The following LARGE1 variants were observed in gnomAD, a reference collection of about 807,000 sequenced individuals.
The protein encoded by LARGE1 is xylosyl- and glucuronyltransferase LARGE1.
In LARGE1, 43 loss-of-function variants were observed where a neutral mutation model predicts 87.6. The ratio of observed to expected loss-of-function variants is 0.49; its 90% confidence interval spans 0.38 to 0.63. The LOEUF is 0.63. LARGE1 is among the 30% of genes least tolerant of loss of function. The probability of loss-of-function intolerance (pLI) is 0.00; values close to 1 mark genes in which losing one functional copy is unlikely to be tolerated. For synonymous variants in LARGE1, 434 were observed against 394.6 expected (o/e 1.10, Z -1.18); for missense variants, 802 against 1,000.2 (o/e 0.80, Z 2.67).
intron 6 of LARGE1, among the ~76,000 whole-genome samples, chr22:33,485,984 G>A (rs554446455): frequency 6.6e-6 from 1 of 152,344 alleles, no homozygotes; most frequent in Non-Finnish European, 1.5e-5. Context: ...ATCTCAAGAA[G>A]AGCAGGTGCT....
chr22:33,348,253 T>G (rs954003623), intron 9 of LARGE1, among the ~76,000 whole-genome samples: 3 of 148,010 alleles, frequency 2.0e-5, no homozygotes, highest in African/African-American at 5.0e-5. Flanking sequence ...GGCAACAGAG[T>G]GAGACTCTGT....
chr22:33,839,770 T>C (rs2063219164), intron 1 of LARGE1, among the ~76,000 whole-genome samples: 1 of 152,164 alleles, frequency 6.6e-6, no homozygotes, highest in Non-Finnish European at 1.5e-5. Flanking sequence ...AATAAAAAAA[T>C]AAGAAAAGCG....
chr22:33,387,108 A>G (rs2065350061), intron 7 of LARGE1, among the ~76,000 whole-genome samples: 1 of 119,276 alleles, frequency 8.4e-6, no homozygotes, highest in African/African-American at 4.2e-5. Flanking sequence ...CATCTCAAAA[A>G]ACAAAAAACA....
chr22:33,758,221 G>A (rs2084592145), intron 2 of LARGE1, among the ~76,000 whole-genome samples: 1 of 152,156 alleles, frequency 6.6e-6, no homozygotes, highest in Non-Finnish European at 1.5e-5. Flanking sequence ...AGCTGAGCAT[G>A]TACACCCTGA....
At chr22:33,102,167 T>C in the LARGE1 span, among the ~76,000 whole-genome samples, 1 of 151,790 alleles carries the variant, frequency 6.6e-6, no homozygotes, top group African/African-American at 2.4e-5. Flanking sequence ...CTTTGTCTTT[T>C]TTTTTTTCCT....
intron 2 of LARGE1, among the ~76,000 whole-genome samples, chr22:33,667,506 T>C (rs1205438156): frequency 6.6e-6 from 1 of 152,212 alleles, no homozygotes; most frequent in African/African-American, 2.4e-5. Context: ...AATACCAGTG[T>C]CAGCTGTAGG....
intron 6 of LARGE1, among the ~76,000 whole-genome samples, chr22:33,521,534 T>A (rs2071594319): frequency 6.6e-6 from 1 of 152,128 alleles, no homozygotes; most frequent in Non-Finnish European, 1.5e-5. Flanking sequence ...TCTGCTTGTG[T>A]CATGCTCATA....
intron 11 of LARGE1, among the ~76,000 whole-genome samples, chr22:33,224,470 C>T (rs753027804): frequency 6.6e-6 from 1 of 152,086 alleles, no homozygotes; most frequent in East Asian, 1.9e-4. Flanking sequence ...CTTTTTGCCT[C>T]AAGTGATTTG....
intron 11 of LARGE1, among the ~76,000 whole-genome samples, chr22:33,224,549 A>C (rs1925633789): frequency 6.6e-6 from 1 of 152,186 alleles, no homozygotes; most frequent in South Asian, 2.1e-4. Context: ...TACTACAGTA[A>C]AGTGTTCAGT....
intron 2 of LARGE1, chr22:33,705,058 G>A (rs1249704006): frequency 6.6e-6 from 1 of 152,260 alleles, no homozygotes; most frequent in South Asian, 2.1e-4. Flanking sequence ...ACAGTAGGGT[G>A]TGGCCATCAC....
At chr22:33,455,416 T>C (rs979966832) in intron 6 of LARGE1, among the ~76,000 whole-genome samples, 1 of 151,652 alleles carries the variant, frequency 6.6e-6, no homozygotes, top group Non-Finnish European at 1.5e-5. Flanking sequence ...GGGAAGAGAG[T>C]TGTTTTTCTG....
chr22:33,709,376 A>C (rs1421379814), intron 2 of LARGE1, among the ~76,000 whole-genome samples: 3 of 152,188 alleles, frequency 2.0e-5, no homozygotes, highest in Non-Finnish European at 4.4e-5. Context: ...GCCAAAGCTG[A>C]GGAAGGTGAA....
chr22:33,217,790 A>T (rs1925277381), intron 11 of LARGE1, among the ~76,000 whole-genome samples: 2 of 152,020 alleles, frequency 1.3e-5, no homozygotes. Context: ...TATAACATGA[A>T]ATTTACCATC....
Position 33,274,553 on chromosome 22 carries a change from G to C in LARGE1, c.2145C>G (p.Thr715=), listed in dbSNP as rs1184075600. 6.2e-7 allele frequency: 1 copy of C among 1,614,038 alleles called. No individual in the cohort carries two copies. Among genetic ancestry groups the C allele is most frequent in the Non-Finnish European group, 8.5e-7 (1 of 1,180,034 alleles). ...GGTATTGCTTGTTGGAACGGAACTT[G>C]GTAATGTCGAAGCTGGGGGCATGAG... ...HMPHAPSFDI[T]KFRSNKQYRI... is the part of the protein sequence containing the mutation. Residue 715 remains threonine, a synonymous_variant, in exon 15 of 15, where the codon ACC becomes ACG. Coordinates refer to ENST00000397394, the MANE Select transcript of LARGE1 (RefSeq NM_133642.5).
chr22:33,472,200 T>C (rs1029888645), intron 6 of LARGE1, among the ~76,000 whole-genome samples: 2 of 152,220 alleles, frequency 1.3e-5, no homozygotes, highest in African/African-American at 4.8e-5. Flanking sequence ...TTTCATATTT[T>C]CAAGCATACT....
chr22:33,854,070 T>TA (rs2063686872), intron 1 of LARGE1, among the ~76,000 whole-genome samples: 2 of 151,978 alleles, frequency 1.3e-5, no homozygotes, highest in South Asian at 4.2e-4. Flanking sequence ...TATTGTGGAT[T>TA]AAAAAATCTA....
At chr22:33,897,827 T>C (rs1316603340) in intron 1 of LARGE1, among the ~76,000 whole-genome samples, 2 of 152,192 alleles carry the variant, frequency 1.3e-5, no homozygotes, top group South Asian at 4.2e-4. Flanking sequence ...TTTCAGCTAT[T>C]GGATCCTGGT....
intron 7 of LARGE1, among the ~76,000 whole-genome samples, chr22:33,397,897 TA>T (rs2147279878): frequency 6.6e-6 from 1 of 152,370 alleles, no homozygotes; most frequent in South Asian, 2.1e-4. Context: ...TTTTAATGAC[TA>T]ATGAGGGTCA....
At position 33,382,519 on chromosome 22, in the gene LARGE1, G is replaced by A. The variant is rs560529493; in HGVS notation, c.1006-475C>T. On this transcript the variant is annotated intron_variant, in intron 8 of 14. Transcript: ENST00000397394. ...TTCAGCAGTGCTTCCTGGGGCCTGC[G>A]GTGGACTCAGTGATGGATGCTCCTT... is the stretch of plus-strand genomic sequence containing the variant. 8.7e-4 allele frequency among the ~76,000 whole-genome samples: 132 copies of A among 152,214 alleles called. 1 individual carries two copies. Among genetic ancestry groups the A allele is most frequent in the African/African-American group, 3.1e-3 (129 of 41,532 alleles).
Sources: gnomAD v4.1 joint callset for allele counts (sites outside exome capture counted in the v4.1 genomes callset) on GRCh38, gnomAD v4.1.1 for gene constraint, MANE v1.5 for transcripts, NCBI Gene and HGNC (gene_info 2026-07-23, HGNC 2026-07-21) for gene names.